KCNIP4: variants seen among roughly 807,000 people sequenced by gnomAD.
KCNIP4 encodes the protein potassium voltage-gated channel interacting protein 4.
A neutral mutation model predicts 34.0 loss-of-function variants in KCNIP4; 12 were observed. The observed-to-expected ratio is 0.35, with a 90% confidence interval of 0.23 to 0.57. The LOEUF is 0.57. Among genes scored for constraint, KCNIP4 ranks in the 20% least tolerant of loss-of-function variants. KCNIP4 has a pLI of 0.83. For synonymous variants in KCNIP4, 124 were observed against 102.2 expected (o/e 1.21, Z -1.29); for missense variants, 238 against 311.7 (o/e 0.76, Z 1.78).
chr4:21,799,725 C>T (rs975093771), intron 1 of KCNIP4, among the ~76,000 whole-genome samples: 17 of 152,170 alleles, frequency 1.1e-4, no homozygotes, highest in African/African-American at 3.6e-4. Context: ...CTCTGGAATG[C>T]TGTGATTTCT....
chr4:21,222,540 C>A (rs1323773570), intron 1 of KCNIP4, among the ~76,000 whole-genome samples: 1 of 152,114 alleles, frequency 6.6e-6, no homozygotes, highest in Non-Finnish European at 1.5e-5. Context: ...GAAAAAAACA[C>A]AAGGTGTTTT....
At chr4:21,795,180 CCTT>C (rs1441993715) in intron 1 of KCNIP4, among the ~76,000 whole-genome samples, 1 of 152,052 alleles carries the variant, frequency 6.6e-6, no homozygotes. Context: ...TGACTGGTGT[CCTT>C]CTAAGAAGCG....
intron 1 of KCNIP4, among the ~76,000 whole-genome samples, chr4:21,933,773 T>C (rs1372175003): frequency 1.3e-5 from 2 of 152,122 alleles, no homozygotes; most frequent in African/African-American, 2.4e-5. Context: ...GCTAATTTAA[T>C]AGGATGATGG....
At chr4:20,823,446 G>A (rs1372867547) in intron 3 of KCNIP4, among the ~76,000 whole-genome samples, 1 of 152,090 alleles carries the variant, frequency 6.6e-6, no homozygotes, top group Non-Finnish European at 1.5e-5. Context: ...AACAGTCATA[G>A]GTTGAAATTC....
chr4:21,087,146 A>ATGTGTG (rs34874556), intron 1 of KCNIP4, among the ~76,000 whole-genome samples: 30,026 of 109,824 alleles, frequency 0.27, 4,391 homozygotes, highest in South Asian at 0.28. Flanking sequence ...CTGCTGGGTA[A>ATGTGTG]TGTGTGTGTG....
chr4:21,891,592 C>A (rs1444723848), intron 1 of KCNIP4, among the ~76,000 whole-genome samples: 1 of 151,996 alleles, frequency 6.6e-6, no homozygotes, highest in Non-Finnish European at 1.5e-5. Context: ...AATGGAAGAC[C>A]TGTCTAAGTG....
chr4:21,497,482 C>T (rs538069680), intron 1 of KCNIP4, among the ~76,000 whole-genome samples: 1 of 152,290 alleles, frequency 6.6e-6, no homozygotes, highest in South Asian at 2.1e-4. Context: ...TCCTACTCAT[C>T]CCTTAAGTCC....
intron 1 of KCNIP4, among the ~76,000 whole-genome samples, chr4:21,232,611 A>T (rs1297644930): frequency 6.6e-6 from 1 of 152,170 alleles, no homozygotes; most frequent in African/African-American, 2.4e-5. Flanking sequence ...ACTTCCATAG[A>T]TCTGGGATTT....
intron 1 of KCNIP4, among the ~76,000 whole-genome samples, chr4:21,684,510 CA>C (rs1424492330): frequency 6.6e-6 from 1 of 152,058 alleles, no homozygotes; most frequent in African/African-American, 2.4e-5. Context: ...TATAATATTT[CA>C]TAAATAATTT....
At chr4:21,574,886 A>T (rs577230125) in intron 1 of KCNIP4, among the ~76,000 whole-genome samples, 5 of 152,304 alleles carry the variant, frequency 3.3e-5, no homozygotes, top group African/African-American at 1.2e-4. Flanking sequence ...TCTGAGAACT[A>T]TCTGTACTAT....
intron 1 of KCNIP4, among the ~76,000 whole-genome samples, chr4:21,857,071 G>A (rs577424954): frequency 7.0e-4 from 107 of 152,320 alleles, no homozygotes; most frequent in African/African-American, 2.5e-3. Context: ...GCCTGGTGAA[G>A]CCCCACCTTC....
chr4:20,977,837 C>T (rs1735636631), intron 1 of KCNIP4, among the ~76,000 whole-genome samples: 1 of 152,144 alleles, frequency 6.6e-6, no homozygotes, highest in African/African-American at 2.4e-5. Flanking sequence ...TTTTTGCAGC[C>T]TTCCCCAAAA....
chr4:21,229,164 T>G (rs1316900536), intron 1 of KCNIP4, among the ~76,000 whole-genome samples: 2 of 152,162 alleles, frequency 1.3e-5, no homozygotes, highest in African/African-American at 4.8e-5. Flanking sequence ...CACATCATCA[T>G]CATTTCCCAG....
intron 1 of KCNIP4, among the ~76,000 whole-genome samples, chr4:20,983,271 G>T (rs929636990): frequency 6.6e-6 from 1 of 152,190 alleles, no homozygotes; most frequent in African/African-American, 2.4e-5. Flanking sequence ...GAATGCAAAT[G>T]AAACACTTGC....
At chr4:21,152,500 GC>G (rs1221326185) in intron 1 of KCNIP4, among the ~76,000 whole-genome samples, 1 of 150,712 alleles carries the variant, frequency 6.6e-6, no homozygotes, top group East Asian at 1.9e-4. Flanking sequence ...CATAATACAA[GC>G]CATTTTTTTT....
At chr4:21,627,854 G>T (rs1194130367) in intron 1 of KCNIP4, among the ~76,000 whole-genome samples, 1 of 152,110 alleles carries the variant, frequency 6.6e-6, no homozygotes, top group Non-Finnish European at 1.5e-5. Flanking sequence ...ACATGAGAAT[G>T]ATGTAGGAAT....
intron 1 of KCNIP4, among the ~76,000 whole-genome samples, chr4:20,895,401 A>G (rs1726401308): frequency 6.6e-6 from 1 of 152,184 alleles, no homozygotes; most frequent in South Asian, 2.1e-4. Context: ...CTGCACTAGG[A>G]GATCCAATTT....
rs60220265 is a variant in KCNIP4 at position 21,641,629 on chromosome 4, G to A, written c.61+306942C>T. Among the ~76,000 whole-genome samples, 584 of 152,294 alleles carry A rather than the reference G, an allele frequency of 3.8e-3. 7 individuals are homozygous for A. Among genetic ancestry groups the A allele is most frequent in the South Asian group, 0.025 (121 of 4,828 alleles). The stretch of plus-strand genomic sequence containing the variant: ...GGGTGAAAATCATGAAGATATTTGT[G>A]TGCCATGTGAATGCTAACCAAAGAG... On this transcript the variant is annotated intron_variant, in intron 1 of 8. Coordinates refer to ENST00000382152, the MANE Select transcript of KCNIP4 (RefSeq NM_025221.6).
intron 5 of KCNIP4, among the ~76,000 whole-genome samples, chr4:20,745,355 G>C (rs1340716702): frequency 6.6e-6 from 1 of 152,100 alleles, no homozygotes; most frequent in Non-Finnish European, 1.5e-5. Context: ...TATGGTCTTA[G>C]AGCACCTCTC....
Sources: allele counts gnomAD v4.1 joint callset (sites outside exome capture counted in the v4.1 genomes callset), GRCh38; gene constraint gnomAD v4.1.1; transcripts MANE v1.5; gene names NCBI Gene and HGNC (gene_info 2026-07-23, HGNC 2026-07-21).